The following DOCK3 variants were observed in gnomAD, a reference collection of about 807,000 sequenced individuals.
The protein encoded by DOCK3 is dedicator of cytokinesis protein 3.
DOCK3 carries 60 observed loss-of-function variants against 265.6 expected under a neutral mutation model. The observed-to-expected ratio is 0.23, with a 90% CI of 0.18 to 0.28. DOCK3 has a LOEUF of 0.28. Among genes scored for constraint, DOCK3 ranks in the 10% least tolerant of loss-of-function variants. The pLI is 1.00. For synonymous variants in DOCK3, 881 were observed against 938.0 expected, an observed-to-expected ratio of 0.94 and a Z score of 1.11; for missense variants, 1,981 against 2,594.3, an observed-to-expected ratio of 0.76 and a Z score of 5.14.
intron 3 of DOCK3, among the ~76,000 whole-genome samples, chr3:50,858,841 T>C (rs547355292): frequency 3.0e-4 from 46 of 152,212 alleles, no homozygotes; most frequent in Non-Finnish European, 4.1e-4. Context: ...CTCAGAGGTT[T>C]TGTTCATTTC....
At chr3:50,705,471 A>G (rs142535696) in intron 1 of DOCK3, among the ~76,000 whole-genome samples, 11 of 152,042 alleles carry the variant, frequency 7.2e-5, no homozygotes, top group African/African-American at 2.4e-4. Flanking sequence ...GCTGGAGTGC[A>G]GTGGCGTGAT....
In DOCK3 at chr3:50,875,189, C is replaced by T. The variant is rs113745817; in HGVS notation, c.163-14837C>T. 2.8e-3 allele frequency among the ~76,000 whole-genome samples: 426 copies of T among 152,138 alleles called. 3 individuals carry two copies. Among genetic ancestry groups the T allele is most frequent in the African/African-American group, 9.8e-3 (408 of 41,508 alleles). On this transcript the variant is annotated intron_variant, in intron 3 of 52. Transcript: ENST00000266037. The stretch of plus-strand genomic sequence containing the variant: ...ATGTAACAAACCTGCACGTTCTGCA[C>T]ATGTATCCCAGAACTTAAAGTAAAA...
chr3:51,010,684 C>G (rs141829097), intron 5 of DOCK3, among the ~76,000 whole-genome samples: 9 of 152,232 alleles, frequency 5.9e-5, no homozygotes, highest in African/African-American at 1.7e-4. Context: ...GGTTATTTTG[C>G]TCGTTAGTTG....
chr3:51,354,797 T>A (rs1381232400), intron 40 of DOCK3, 85 bp from the exon 41 acceptor site: 5 of 1,544,808 alleles, frequency 3.2e-6, no homozygotes, highest in Non-Finnish European at 4.4e-6. Context: ...GATATGTTTG[T>A]GCTATATGTA....
rs575365550 is a variant in DOCK3, at chr3:51,081,714, T to G, written c.549+6274T>G. On this transcript the variant is annotated intron_variant, in intron 7 of 52. Coordinates refer to ENST00000266037, the MANE Select transcript of DOCK3 (RefSeq NM_004947.5). The stretch of plus-strand genomic sequence containing the variant: ...ATTGAGACCATCCTGGCTAACACGG[T>G]GAAACCCCATCTGTACTAAAAATAC... Among the ~76,000 whole-genome samples the G allele has an allele frequency of 4.6e-5, 7 of 151,890 alleles. No individual in the cohort carries two copies. In the South Asian group the frequency reaches 6.3e-4, roughly 14 times the overall value.
intron 5 of DOCK3, among the ~76,000 whole-genome samples, chr3:50,959,568 A>ATG (rs2076828915): frequency 6.7e-6 from 1 of 150,202 alleles, no homozygotes; most frequent in Non-Finnish European, 1.5e-5. Flanking sequence ...GTATATATAT[A>ATG]TAAAATTTAT....
intron 5 of DOCK3, among the ~76,000 whole-genome samples, chr3:50,994,042 T>A (rs1479132332): frequency 6.6e-6 from 1 of 152,100 alleles, no homozygotes; most frequent in Non-Finnish European, 1.5e-5. Flanking sequence ...AAAAAAAGAC[T>A]TAAAGCAATA....
At chr3:50,712,444 T>A (rs1050918248) in intron 1 of DOCK3, among the ~76,000 whole-genome samples, 5 of 152,140 alleles carry the variant, frequency 3.3e-5, no homozygotes, top group Admixed American at 2.0e-4. Flanking sequence ...TTCAAGCAAT[T>A]CTCCTGCCTC....
chr3:51,361,239 C>A lies in DOCK3; in HGVS notation c.5006+607C>A, dbSNP rs763579944. Among the ~76,000 whole-genome samples the A allele has an allele frequency of 1.3e-5, 2 of 152,238 alleles. No individual in the cohort carries two copies. Among genetic ancestry groups the A allele is most frequent in the Non-Finnish European group, 2.9e-5 (2 of 68,042 alleles). Reference sequence around the variant, plus strand: ...TGGAGGAGGAGACTAGTGAGAGGAGCCCCTCACTTAGGCTTGTTTTCCAGT... The same window carrying A: ...TGGAGGAGGAGACTAGTGAGAGGAGACCCTCACTTAGGCTTGTTTTCCAGT... On this transcript the variant is annotated intron_variant, in intron 47 of 52. Coordinates refer to ENST00000266037, the MANE Select transcript of DOCK3 (RefSeq NM_004947.5). The surrounding 1 kb of genome is among the most constrained non-coding windows in gnomAD (Gnocchi z 4.2).
At chr3:50,862,115 G>A (rs970657510) in intron 3 of DOCK3, among the ~76,000 whole-genome samples, 5 of 152,108 alleles carry the variant, frequency 3.3e-5, no homozygotes, top group African/African-American at 9.7e-5. Context: ...GATTGATTTG[G>A]TGGTGATTAT....
At chr3:51,290,736 G>A (rs2109144069) in intron 27 of DOCK3, among the ~76,000 whole-genome samples, 1 of 152,188 alleles carries the variant, frequency 6.6e-6, no homozygotes, top group African/African-American at 2.4e-5. Context: ...AAAAAGAGCA[G>A]GGGTAGCTAT....
chr3:51,174,844 T>C (rs1163976199), intron 12 of DOCK3, among the ~76,000 whole-genome samples: 1 of 152,248 alleles, frequency 6.6e-6, no homozygotes, highest in Admixed American at 6.5e-5. Context: ...ATATGACTTC[T>C]GTTGGTTTCA....
chr3:50,981,491 T>A (rs1319613526), intron 5 of DOCK3, among the ~76,000 whole-genome samples: 1 of 152,218 alleles, frequency 6.6e-6, no homozygotes, highest in Non-Finnish European at 1.5e-5. Context: ...AAATCCAATG[T>A]TTCTTTGTTG....
intron 27 of DOCK3, among the ~76,000 whole-genome samples, chr3:51,294,317 T>C (rs1211731302): frequency 6.6e-6 from 1 of 152,234 alleles, no homozygotes; most frequent in Non-Finnish European, 1.5e-5. Context: ...GAGGACATTA[T>C]GTTAAGTGAA....
intron 1 of DOCK3, among the ~76,000 whole-genome samples, chr3:50,757,888 T>C (rs887599114): frequency 1.3e-5 from 2 of 152,052 alleles, no homozygotes; most frequent in African/African-American, 2.4e-5. Context: ...TGAAAATTAA[T>C]TGGATGGCTG....
At chr3:50,747,519 AC>A (rs1440677094) in intron 1 of DOCK3, among the ~76,000 whole-genome samples, 4 of 152,220 alleles carry the variant, frequency 2.6e-5, no homozygotes, top group African/African-American at 9.6e-5. Context: ...TGACATATTT[AC>A]CCTTAAGTAT....
intron 9 of DOCK3, among the ~76,000 whole-genome samples, chr3:51,108,302 C>T (rs2083374600): frequency 6.6e-6 from 1 of 152,022 alleles, no homozygotes; most frequent in African/African-American, 2.4e-5. Context: ...GCTTCATAAG[C>T]AAAGGGGAAA....
chr3:50,724,766 C>A (rs924042383), intron 1 of DOCK3, among the ~76,000 whole-genome samples: 6 of 152,134 alleles, frequency 3.9e-5, no homozygotes, highest in African/African-American at 1.4e-4. Context: ...AGCAAACCAA[C>A]ATGACACATG....
chr3:50,761,519 A>G (rs1336491387), intron 1 of DOCK3, among the ~76,000 whole-genome samples: 2 of 152,232 alleles, frequency 1.3e-5, no homozygotes, highest in African/African-American at 4.8e-5. Flanking sequence ...CAAGCTTAAA[A>G]TGTGGGCCTA....
Sources: allele counts gnomAD v4.1 joint callset (sites outside exome capture counted in the v4.1 genomes callset), GRCh38; gene constraint gnomAD v4.1.1; non-coding constraint Gnocchi (gnomAD v3.1); transcripts MANE v1.5; gene names NCBI Gene and HGNC (gene_info 2026-07-23, HGNC 2026-07-21).